CACHD1: variants seen among roughly 807,000 people sequenced by gnomAD.
The protein encoded by CACHD1 is VWFA and cache domain-containing protein 1.
CACHD1 carries 71 observed loss-of-function variants against 138.7 expected under a neutral mutation model. The ratio of observed to expected loss-of-function variants is 0.51; its 90% CI spans 0.42 to 0.62. The LOEUF (loss-of-function observed/expected upper bound fraction) is 0.62. Among genes scored for constraint, CACHD1 ranks in the 20% least tolerant of loss-of-function variants. The pLI, the probability that CACHD1 is intolerant of heterozygous loss-of-function variation, is 0.00. For synonymous variants in CACHD1, 578 were observed against 591.5 expected, an observed-to-expected ratio of 0.98 and a Z score of 0.33; for missense variants, 1,389 against 1,625.3, an observed-to-expected ratio of 0.85 and a Z score of 2.50.
At chr1:64,478,456 G>C (rs1029085346) in intron 1 of CACHD1, among the ~76,000 whole-genome samples, 1 of 152,200 alleles carries the variant, frequency 6.6e-6, no homozygotes, top group African/African-American at 2.4e-5. Flanking sequence ...GACTAAGCGA[G>C]ATAGCTGTAA....
intron 2 of CACHD1, among the ~76,000 whole-genome samples, chr1:64,565,049 G>A (rs1436304267): frequency 6.0e-5 from 9 of 149,924 alleles, no homozygotes; most frequent in Admixed American, 1.3e-4. Context: ...GATTTGTTTC[G>A]GGTTGCCTTG....
At chr1:64,669,384 T>A (rs1557549052) in intron 16 of CACHD1, among the ~76,000 whole-genome samples, 2 of 152,226 alleles carry the variant, frequency 1.3e-5, no homozygotes, top group African/African-American at 4.8e-5. Context: ...CTTAAGCTAA[T>A]CTTCAGCTTG....
intron 2 of CACHD1, among the ~76,000 whole-genome samples, chr1:64,566,493 A>G (rs1168591414): frequency 1.6e-4 from 7 of 43,130 alleles, no homozygotes; most frequent in Non-Finnish European, 4.7e-4. Flanking sequence ...CCCCCCCCAC[A>G]AGGTATGGGG....
chr1:64,682,447 T>C (rs1452000108), intron 26 of CACHD1, among the ~76,000 whole-genome samples: 1 of 152,150 alleles, frequency 6.6e-6, no homozygotes, highest in African/African-American at 2.4e-5. Flanking sequence ...TCATGTCCCC[T>C]TGGGGCATGA....
At chr1:64,551,992 G>C (rs1238696506) in intron 2 of CACHD1, among the ~76,000 whole-genome samples, 2 of 152,090 alleles carry the variant, frequency 1.3e-5, no homozygotes, top group Non-Finnish European at 2.9e-5. Context: ...TTTTGTGGGC[G>C]AAGATTTCTG....
At chr1:64,628,725 TTC>T (rs1648200154) in intron 4 of CACHD1, among the ~76,000 whole-genome samples, 1 of 152,188 alleles carries the variant, frequency 6.6e-6, no homozygotes. Flanking sequence ...TAAGCATATT[TTC>T]TCGACTCCAA....
At chr1:64,647,440 G>A (rs191688420) in intron 8 of CACHD1, among the ~76,000 whole-genome samples, 31 of 152,246 alleles carry the variant, frequency 2.0e-4, no homozygotes, top group Admixed American at 1.0e-3. Context: ...AAATGCAGAC[G>A]TGTTGATTAT....
intron 2 of CACHD1, among the ~76,000 whole-genome samples, chr1:64,560,132 A>T (rs557831573): frequency 2.0e-5 from 3 of 152,216 alleles, no homozygotes; most frequent in African/African-American, 7.2e-5. Flanking sequence ...AGACAAAATC[A>T]GAGATAGAAT....
chr1:64,620,131 T>C (rs983768416), intron 4 of CACHD1, among the ~76,000 whole-genome samples: 7 of 152,110 alleles, frequency 4.6e-5, no homozygotes, highest in African/African-American at 1.7e-4. Flanking sequence ...CCATATCTTA[T>C]CAGTTTTTTC....
intron 3 of CACHD1, among the ~76,000 whole-genome samples, chr1:64,585,096 CA>C (rs1484176589): frequency 6.6e-6 from 1 of 152,130 alleles, no homozygotes; most frequent in Non-Finnish European, 1.5e-5. Context: ...AAATTTCTAG[CA>C]ATAGAGGATT....
intron 26 of CACHD1, among the ~76,000 whole-genome samples, chr1:64,687,125 C>T (rs376759954): frequency 1.3e-5 from 2 of 152,260 alleles, no homozygotes; most frequent in East Asian, 3.9e-4. Context: ...GCTACATAAG[C>T]CTTTGGATAG....
chr1:64,644,032 C>CCT (rs957645600), intron 8 of CACHD1, among the ~76,000 whole-genome samples: 1 of 152,198 alleles, frequency 6.6e-6, no homozygotes, highest in African/African-American at 2.4e-5. Context: ...CACATACTGT[C>CCT]CTCTCTCTCT....
intron 2 of CACHD1, among the ~76,000 whole-genome samples, chr1:64,574,735 C>G (rs576878314): frequency 6.6e-6 from 1 of 152,178 alleles, no homozygotes; most frequent in African/African-American, 2.4e-5. Flanking sequence ...AGTTCTCAAG[C>G]AACATCACAA....
intron 2 of CACHD1, among the ~76,000 whole-genome samples, chr1:64,563,386 C>G (rs1004277193): frequency 2.4e-5 from 2 of 84,152 alleles, no homozygotes; most frequent in African/African-American, 6.1e-5. Flanking sequence ...ACTCAAGGCT[C>G]TAGACATGAA....
In CACHD1 at chr1:64,634,192, A is replaced by C. The variant is rs1164110209; in HGVS notation, c.938A>C (p.His313Pro). The C allele has an allele frequency of 6.2e-7, 1 of 1,613,848 alleles. No individual in the cohort carries two copies. The highest frequency in any genetic ancestry group is 1.3e-5 in the African/African-American group (1 of 74,874). The change falls in exon 7 of 27, where the codon CAC becomes CCC. Residue 313 changes from histidine to proline, a missense_variant. Around this residue, in one of 5 missense-constraint regions of CACHD1, gnomAD observed 1,000 missense variants for 1,114.7 expected, o/e 0.90. Coordinates refer to ENST00000651257, the MANE Select transcript of CACHD1 (RefSeq NM_020925.4). ...AAGTCTTCAGACAGTCCTACCCAGCACGCAGTGGGATTCCAAAAGGCATTT... is the reference window on the plus strand; with the variant it reads ...AAGTCTTCAGACAGTCCTACCCAGCCCGCAGTGGGATTCCAAAAGGCATTT... ...SVKSSDSPTQ[H>P]AVGFQKAFQL...
chr1:64,569,524 G>T (rs1014656622), intron 2 of CACHD1, among the ~76,000 whole-genome samples: 1 of 152,110 alleles, frequency 6.6e-6, no homozygotes, highest in African/African-American at 2.4e-5. Flanking sequence ...TGCTTCTTTA[G>T]GGGGAATGGG....
intron 7 of CACHD1, among the ~76,000 whole-genome samples, chr1:64,641,558 C>T (rs967847421): frequency 1.3e-5 from 2 of 152,134 alleles, no homozygotes; most frequent in African/African-American, 2.4e-5. Flanking sequence ...TAAAGGAAAT[C>T]GCCTCCTTTC....
intron 2 of CACHD1, among the ~76,000 whole-genome samples, chr1:64,581,403 G>A (rs1468038105): frequency 6.6e-6 from 1 of 152,172 alleles, no homozygotes; most frequent in Non-Finnish European, 1.5e-5. Flanking sequence ...AAACAACACA[G>A]TTTTCCTTGG....
intron 4 of CACHD1, among the ~76,000 whole-genome samples, chr1:64,620,427 C>T (rs1233636420): frequency 6.6e-6 from 1 of 152,166 alleles, no homozygotes. Context: ...AGACAGACCT[C>T]ATCCCCTCCT....
Sources: gnomAD v4.1 joint callset for allele counts (sites outside exome capture counted in the v4.1 genomes callset) on GRCh38, gnomAD v4.1.1 for gene constraint, gnomAD v4.1.1 regional missense constraint, MANE v1.5 for transcripts, NCBI Gene and HGNC (gene_info 2026-07-23, HGNC 2026-07-21) for gene names.